Variants in CDK5RAP2 observed in about 807,000 individuals in gnomAD.
The protein encoded by CDK5RAP2 is CDK5 regulatory subunit associated protein 2.
A neutral mutation model predicts 232.9 loss-of-function variants in CDK5RAP2; 147 were observed. The observed-to-expected ratio is 0.63, with a 90% confidence interval of 0.55 to 0.72. The LOEUF (loss-of-function observed/expected upper bound fraction) is 0.72. Ranked by LOEUF, CDK5RAP2 falls within the 30% of genes least tolerant of loss-of-function variation. The pLI, the probability that CDK5RAP2 is intolerant of heterozygous loss-of-function variation, is 0.00. For missense variants in CDK5RAP2, 2,195 were observed against 2,231.5 expected, an observed-to-expected ratio of 0.98 and a Z score of 0.33; for synonymous variants, 833 against 833.7, an observed-to-expected ratio of 1.00 and a Z score of 0.01.
At chr9:120,412,012 C>T (rs1685085505) in intron 28 of CDK5RAP2, among the ~76,000 whole-genome samples, 1 of 152,176 alleles carries the variant, frequency 6.6e-6, no homozygotes, top group South Asian at 2.1e-4. Context: ...AAAATGCTTC[C>T]AACACTGGCC....
In CDK5RAP2 at chr9:120,518,428, C is replaced by T. The variant is rs755500477; in HGVS notation, c.1310G>A (p.Arg437His). The change falls in exon 12 of 38, where the codon CGT (arginine) becomes CAT (histidine). Residue 437 changes from arginine to histidine, a missense_variant and splice_region_variant. Transcript: ENST00000349780. ...REKSKGDCTI[R>H]DLRNEVEKLR... ...TCAGAAGGGCAGGGCGGTACTCACACGGATGGTGCAGTCTCCTTTGCTCTT... is the reference window on the plus strand; with the variant it reads ...TCAGAAGGGCAGGGCGGTACTCACATGGATGGTGCAGTCTCCTTTGCTCTT... 1.1e-5 allele frequency: 17 copies of T among 1,612,884 alleles called. No homozygotes were observed. Among genetic ancestry groups the T allele is most frequent in the East Asian group, 2.2e-5 (1 of 44,884 alleles).
chr9:120,530,575 TA>T (rs1344382509), intron 7 of CDK5RAP2, among the ~76,000 whole-genome samples: 2 of 152,088 alleles, frequency 1.3e-5, no homozygotes, highest in Non-Finnish European at 2.9e-5. Context: ...GGGCAAAGTT[TA>T]AAAACACTGA....
chr9:120,512,206 A>T (rs994940403), intron 12 of CDK5RAP2, among the ~76,000 whole-genome samples: 2 of 152,158 alleles, frequency 1.3e-5, no homozygotes, highest in Non-Finnish European at 2.9e-5. Flanking sequence ...CAAATTAGCC[A>T]GGTGTGGTAG....
At chr9:120,516,021 T>C (rs907118278) in intron 12 of CDK5RAP2, among the ~76,000 whole-genome samples, 1 of 152,150 alleles carries the variant, frequency 6.6e-6, no homozygotes, top group African/African-American at 2.4e-5. Flanking sequence ...ACTGGGTATA[T>C]ACCCAAAGGA....
In CDK5RAP2 at chr9:120,525,100, C is replaced by T. The variant is rs758775169; in HGVS notation, c.1000-22G>A. ...CAACCTGGGGAAAAATAATGAATAC[C>T]AGCCAAGTATGTAACTGGGCTCTCC... On this transcript the variant is annotated intron_variant, in intron 10 of 37. Transcript: ENST00000349780. 42 of 1,578,610 alleles carry T rather than the reference C, an allele frequency of 2.7e-5. No individual in the cohort carries two copies. The East Asian group carries it at 9.2e-4, about 34-fold the overall frequency.
chr9:120,515,854 A>G, intron 12 of CDK5RAP2, among the ~76,000 whole-genome samples: 1 of 152,242 alleles, frequency 6.6e-6, no homozygotes, highest in Admixed American at 6.5e-5. Flanking sequence ...GCGATCATTA[A>G]AAAGTCAGGA....
chr9:120,497,434 A>T (rs2039352914), intron 12 of CDK5RAP2, among the ~76,000 whole-genome samples: 1 of 115,728 alleles, frequency 8.6e-6, no homozygotes, highest in Non-Finnish European at 2.1e-5. Flanking sequence ...AAAAAAAAAA[A>T]AAAAAAAAAA....
At chr9:120,449,019 A>G (rs1269779134) in intron 21 of CDK5RAP2, among the ~76,000 whole-genome samples, 2 of 152,126 alleles carry the variant, frequency 1.3e-5, no homozygotes, top group African/African-American at 4.8e-5. Context: ...TCTGCCTAAA[A>G]CTATTTTAAT....
At chr9:120,407,603 C>T (rs2033550086) in intron 31 of CDK5RAP2, 1 of 226,878 alleles carries the variant, frequency 4.4e-6, no homozygotes, top group Admixed American at 5.2e-5. Context: ...TAAAAAGACA[C>T]AACAGCAAGA....
At chr9:120,420,105 C>A in intron 26 of CDK5RAP2, 145 bp from the exon 27 acceptor site, 1 of 703,814 alleles carries the variant, frequency 1.4e-6, no homozygotes, top group Non-Finnish European at 2.5e-6. Flanking sequence ...TTCCCTACAG[C>A]ATTAAGCAAT....
chr9:120,470,709 T>C (rs985972049), intron 16 of CDK5RAP2, among the ~76,000 whole-genome samples: 11 of 150,490 alleles, frequency 7.3e-5, no homozygotes, highest in African/African-American at 2.7e-4. Context: ...GTGCAGAAAG[T>C]GCCTGCTAGT....
chr9:120,459,647 G>GC (rs2036973948), intron 19 of CDK5RAP2, among the ~76,000 whole-genome samples: 1 of 152,106 alleles, frequency 6.6e-6, no homozygotes, highest in Non-Finnish European at 1.5e-5. Context: ...ATCCTAAAAG[G>GC]AAGTATTACT....
chr9:120,456,701 G>A (rs961987419), intron 20 of CDK5RAP2, among the ~76,000 whole-genome samples: 1 of 152,058 alleles, frequency 6.6e-6, no homozygotes, highest in Non-Finnish European at 1.5e-5. Context: ...CCTTCCCTCC[G>A]CCTCTTTAAC....
chr9:120,434,134 G>A (rs2035439709), intron 25 of CDK5RAP2, among the ~76,000 whole-genome samples: 1 of 152,218 alleles, frequency 6.6e-6, no homozygotes, highest in African/African-American at 2.4e-5. Context: ...AAGGGAAAAA[G>A]GGAATGTCAG....
intron 25 of CDK5RAP2, among the ~76,000 whole-genome samples, chr9:120,424,375 C>T (rs1013040796): frequency 2.0e-5 from 3 of 152,158 alleles, no homozygotes; most frequent in Non-Finnish European, 4.4e-5. Flanking sequence ...CTCAAGACTC[C>T]ACATTTCTGT....
intron 34 of CDK5RAP2, among the ~76,000 whole-genome samples, chr9:120,402,447 A>G (rs987400364): frequency 1.3e-5 from 2 of 152,266 alleles, no homozygotes; most frequent in African/African-American, 4.8e-5. Context: ...CCTTTGAACT[A>G]GTAATTCCAC....
Position 120,568,295 on chromosome 9 carries a change from G to A in CDK5RAP2, c.195+26C>T, listed in dbSNP as rs367731246. ...GTGGCAGCAGACACAATTTGTTGGG[G>A]GCAGTAATTTGGTATTTCCACTTAC... On this transcript the variant is annotated intron_variant, in intron 3 of 37. Coordinates refer to ENST00000349780, the MANE Select transcript of CDK5RAP2 (RefSeq NM_018249.6). 944 of 1,556,164 alleles carry A rather than the reference G, an allele frequency of 6.1e-4. 2 individuals carry two copies. Among genetic ancestry groups the A allele is most frequent in the Non-Finnish European group, 8.1e-4 (918 of 1,127,098 alleles).
chr9:120,471,955 T>C, intron 15 of CDK5RAP2, 77 bp from the exon 16 acceptor site: 2 of 1,583,636 alleles, frequency 1.3e-6, no homozygotes, highest in Non-Finnish European at 1.7e-6. Context: ...AAAGCCTTCC[T>C]GTGATTTTTA....
intron 25 of CDK5RAP2, among the ~76,000 whole-genome samples, chr9:120,432,703 A>C (rs1036917445): frequency 2.0e-5 from 3 of 152,220 alleles, no homozygotes; most frequent in Non-Finnish European, 4.4e-5. Context: ...CAGAACCCAC[A>C]AAGAATAAGT....
Sources: gnomAD v4.1 joint callset for allele counts (sites outside exome capture counted in the v4.1 genomes callset) on GRCh38, gnomAD v4.1.1 for gene constraint, MANE v1.5 for transcripts, NCBI Gene and HGNC (gene_info 2026-07-23, HGNC 2026-07-21) for gene names.